Variants in SPON1 observed in about 807,000 individuals in gnomAD.
The protein encoded by SPON1 is spondin 1.
In SPON1, 52 loss-of-function variants were observed where a neutral mutation model predicts 111.7. The ratio of observed to expected loss-of-function variants is 0.47; its 90% CI spans 0.37 to 0.59. The LOEUF (loss-of-function observed/expected upper bound fraction) is 0.59. SPON1 is among the 20% of genes least tolerant of loss of function. The pLI is 0.00. For synonymous variants in SPON1, 410 were observed against 395.8 expected (o/e 1.04, Z -0.43); for missense variants, 957 against 1,068.5 (o/e 0.90, Z 1.46).
chr11:14,263,494 CTT>C (rs1591432183), intron 15 of SPON1, among the ~76,000 whole-genome samples: 1 of 151,820 alleles, frequency 6.6e-6, no homozygotes, highest in African/African-American at 2.4e-5. Context: ...TGGCCTGAGA[CTT>C]TATGATTTTT....
At chr11:14,160,019 AT>A (rs1470962511) in intron 6 of SPON1, among the ~76,000 whole-genome samples, 3 of 152,028 alleles carry the variant, frequency 2.0e-5, no homozygotes, top group Admixed American at 2.0e-4. Context: ...TTAATTGTAC[AT>A]TTTTAAATAA....
intron 7 of SPON1, among the ~76,000 whole-genome samples, chr11:14,245,322 C>G (rs1554940135): frequency 6.6e-6 from 1 of 152,192 alleles, no homozygotes; most frequent in African/African-American, 2.4e-5. Flanking sequence ...TGTGCGCCAG[C>G]CCTGCACATG....
chr11:13,983,030 G>C, intron 2 of SPON1, 77 bp downstream of exon 2: 1 of 1,010,832 alleles, frequency 9.9e-7, no homozygotes, highest in Non-Finnish European at 1.5e-6. Context: ...AAGTGTCTCA[G>C]GTGGCTTCCC....
At chr11:14,185,438 C>T (rs1848276480) in intron 6 of SPON1, among the ~76,000 whole-genome samples, 1 of 152,176 alleles carries the variant, frequency 6.6e-6, no homozygotes, top group African/African-American at 2.4e-5. Flanking sequence ...ATAGACCTGA[C>T]CTCTCTCATA....
chr11:14,116,801 G>A (rs1159895094), intron 5 of SPON1, among the ~76,000 whole-genome samples: 6 of 152,084 alleles, frequency 3.9e-5, no homozygotes, highest in Non-Finnish European at 8.8e-5. Context: ...AAAACGTGGG[G>A]AGATTTGACA....
intron 2 of SPON1, among the ~76,000 whole-genome samples, chr11:13,994,237 A>G (rs782314743): frequency 1.3e-5 from 2 of 152,194 alleles, no homozygotes; most frequent in Admixed American, 6.5e-5. Flanking sequence ...CCTAAGCTTA[A>G]TCAGTCCCCT....
intron 6 of SPON1, among the ~76,000 whole-genome samples, chr11:14,165,706 T>C (rs1848021623): frequency 6.6e-6 from 1 of 152,224 alleles, no homozygotes; most frequent in South Asian, 2.1e-4. Context: ...CAGTGTACTA[T>C]AGCTTTTCTT....
intron 2 of SPON1, among the ~76,000 whole-genome samples, chr11:14,030,262 C>T (rs1248253050): frequency 6.6e-6 from 1 of 152,248 alleles, no homozygotes; most frequent in Non-Finnish European, 1.5e-5. Context: ...TTAGCCTGCC[C>T]AGGGCGCCTA....
At position 14,265,731 on chromosome 11, in the gene SPON1, C is replaced by T. The variant is rs575630469; in HGVS notation, c.*44C>T. On this transcript the variant is annotated 3_prime_UTR_variant, in exon 16 of 16. Transcript: ENST00000576479. ...AGGGCTGCACTCTAGATTCCAGAGTCACCAATGGCTGGATTATTTGCTTGT... is the reference window on the plus strand; with the variant it reads ...AGGGCTGCACTCTAGATTCCAGAGTTACCAATGGCTGGATTATTTGCTTGT... The T allele has an allele frequency of 6.3e-7, 1 of 1,582,874 alleles. No homozygotes were observed. Among genetic ancestry groups the T allele is most frequent in the South Asian group, 1.1e-5 (1 of 87,298 alleles).
rs1848669765 is a variant in SPON1 at position 14,046,577 on chromosome 11, T to C, written c.479+4923T>C. On this transcript the variant is annotated intron_variant, in intron 3 of 15. Transcript: ENST00000576479. Reference sequence around the variant, plus strand: ...AGGTCTGGTCTGTTCTGTTGATCTTTTTATGTATTCTTGCATGAAACCCAC... The same window carrying C: ...AGGTCTGGTCTGTTCTGTTGATCTTCTTATGTATTCTTGCATGAAACCCAC... Among the ~76,000 whole-genome samples the C allele has an allele frequency of 1.3e-5, 2 of 152,244 alleles. 1 individual carries two copies. The highest frequency in any genetic ancestry group is 1.3e-4 in the Admixed American group (2 of 15,288).
intron 10 of SPON1, 31 bp downstream of exon 10, chr11:14,256,723 A>C (rs1292640098): frequency 1.3e-6 from 2 of 1,531,984 alleles, no homozygotes; most frequent in African/African-American, 2.7e-5. Flanking sequence ...GCAGGTGGCA[A>C]CATAAATTGA....
chr11:14,076,820 C>A (rs1160005569), intron 4 of SPON1, among the ~76,000 whole-genome samples: 1 of 152,182 alleles, frequency 6.6e-6, no homozygotes, highest in Non-Finnish European at 1.5e-5. Flanking sequence ...TAGGATCATA[C>A]CTCCCAGAGG....
intron 6 of SPON1, among the ~76,000 whole-genome samples, chr11:14,221,764 C>A (rs531067761): frequency 1.4e-4 from 22 of 152,322 alleles, no homozygotes; most frequent in Non-Finnish European, 1.9e-4. Context: ...TTCTTCCACA[C>A]CCCACATGAT....
intron 5 of SPON1, among the ~76,000 whole-genome samples, chr11:14,117,421 T>C (rs2133852082): frequency 6.6e-6 from 1 of 152,366 alleles, no homozygotes; most frequent in East Asian, 1.9e-4. Context: ...CAGATACTTT[T>C]TCTGTGTTCT....
chr11:14,174,285 A>G (rs1450203197), intron 6 of SPON1, among the ~76,000 whole-genome samples: 1 of 152,184 alleles, frequency 6.6e-6, no homozygotes, highest in African/African-American at 2.4e-5. Flanking sequence ...CCATTTGGGG[A>G]TGAGGATGTT....
intron 2 of SPON1, among the ~76,000 whole-genome samples, chr11:14,004,762 G>GT (rs1483316020): frequency 1.3e-5 from 2 of 152,056 alleles, no homozygotes; most frequent in African/African-American, 4.8e-5. Flanking sequence ...GTGAAATGCA[G>GT]TTTTTTGTTT....
chr11:14,190,193 C>G (rs781823002), intron 6 of SPON1, among the ~76,000 whole-genome samples: 5 of 151,512 alleles, frequency 3.3e-5, no homozygotes, highest in Non-Finnish European at 7.4e-5. Flanking sequence ...ACTTCCTCAG[C>G]CAAGCAAGAA....
chr11:14,256,951 A>T (rs1415863315), intron 10 of SPON1, among the ~76,000 whole-genome samples: 2 of 152,190 alleles, frequency 1.3e-5, no homozygotes, highest in Admixed American at 1.3e-4. Context: ...ATCTCATTTT[A>T]ATGGGCTTCG....
chr11:14,257,514 A>G (rs1447963625), intron 10 of SPON1, among the ~76,000 whole-genome samples: 1 of 152,210 alleles, frequency 6.6e-6, no homozygotes, highest in African/African-American at 2.4e-5. Context: ...CTGCTTATTT[A>G]GATTAGATAT....
Sources: allele counts gnomAD v4.1 joint callset (sites outside exome capture counted in the v4.1 genomes callset), GRCh38; gene constraint gnomAD v4.1.1; transcripts MANE v1.5; gene names NCBI Gene and HGNC (gene_info 2026-07-23, HGNC 2026-07-21).